CCNT2: variants seen among roughly 807,000 people sequenced by gnomAD.
The protein encoded by CCNT2 is cyclin-T2.
Under a neutral mutation model 70.0 loss-of-function variants are expected in CCNT2, and 18 were observed. That is an observed-to-expected ratio of 0.26 (90% CI 0.18 to 0.38). The LOEUF (loss-of-function observed/expected upper bound fraction) is 0.38, where lower values mean the gene tolerates loss of function less well. CCNT2 is among the 10% of genes least tolerant of loss of function. CCNT2 has a pLI of 1.00. For synonymous variants in CCNT2, 334 were observed against 313.3 expected, an observed-to-expected ratio of 1.07 and a Z score of -0.70; for missense variants, 734 against 890.2, an observed-to-expected ratio of 0.82 and a Z score of 2.23.
chr2:134,936,211 C>T lies in CCNT2; in HGVS notation c.241-630C>T, dbSNP rs185745347. On this transcript the variant is annotated intron_variant, in intron 2 of 8. Coordinates refer to ENST00000264157, the MANE Select transcript of CCNT2 (RefSeq NM_058241.3). Reference sequence around the variant, plus strand: ...TTGCTTATTTTCTTCTTTGCCTCCACAATGTGCAAATTAATATTATTTAAA... The same window carrying T: ...TTGCTTATTTTCTTCTTTGCCTCCATAATGTGCAAATTAATATTATTTAAA... 5.9e-4 allele frequency among the ~76,000 whole-genome samples: 89 copies of T among 150,588 alleles called. 1 individual carries two copies. In the East Asian group the frequency reaches 0.016, roughly 27 times the overall value.
At chr2:134,949,809 G>GGGA (rs1553525633) in intron 7 of CCNT2, among the ~76,000 whole-genome samples, 2 of 135,520 alleles carry the variant, frequency 1.5e-5, no homozygotes, top group South Asian at 5.2e-4. Flanking sequence ...TTTCGGGGGG[G>GGGA]GGGTGGGGGA....
chr2:134,919,771 C>T lies in CCNT2; in HGVS notation c.159-39C>T, dbSNP rs562799439. 4.7e-6 allele frequency: 7 copies of T among 1,489,624 alleles called. No homozygotes were observed. The African/African-American group carries it at 8.4e-5, about 18-fold the overall frequency. The allele number at this position is 1,489,624 out of a possible 1,614,324, so 92.3% of individuals were successfully genotyped here. A position where few individuals can be genotyped will look rare whatever the true frequency, so the allele number is the denominator to read the frequency against. On this transcript the variant is annotated intron_variant, in intron 1 of 8. Coordinates refer to ENST00000264157, the MANE Select transcript of CCNT2 (RefSeq NM_058241.3). ...ATCAAAATTGTTCTGGGAATGAGAT[C>T]TTGCTTTTGTCAGATATTTCCTAAA... is the stretch of plus-strand genomic sequence containing the variant.
chr2:134,946,367 T>C, intron 6 of CCNT2: 1 of 1,249,428 alleles, frequency 8.0e-7, no homozygotes, highest in Non-Finnish European at 1.0e-6. Flanking sequence ...TCTGATGACA[T>C]ATTCTCGATT....
At chr2:134,925,233 G>A (rs1270215175) in intron 2 of CCNT2, among the ~76,000 whole-genome samples, 2 of 152,094 alleles carry the variant, frequency 1.3e-5, no homozygotes, top group Non-Finnish European at 2.9e-5. Context: ...TGGTATTTTT[G>A]TATTGGAATT....
rs1417535867 is a variant in CCNT2 at position 134,918,910 on chromosome 2, A to C, written c.56A>C (p.Glu19Ala). Residue 19 changes from glutamate (E) to alanine (A), a missense_variant, in exon 1 of 9, where the codon GAG (glutamate) becomes GCG (alanine). Physicochemically the swap from Glu to Ala is moderately radical, Grantham distance 107. Around this residue, in one of 3 missense-constraint regions of CCNT2, gnomAD observed 41 missense variants for 29.5 expected, o/e 1.39. Coordinates refer to ENST00000264157, the MANE Select transcript of CCNT2 (RefSeq NM_058241.3). Reference sequence around the variant, plus strand: ...TGGTTCTTTACTCGGGAACAGCTGGAGAACACGCCGAGCCGCCGCTGCGGA... The same window carrying C: ...TGGTTCTTTACTCGGGAACAGCTGGCGAACACGCCGAGCCGCCGCTGCGGA... ...SRWFFTREQL[E>A]NTPSRRCGVE... The C allele has an allele frequency of 6.2e-7, 1 of 1,614,056 alleles. No homozygotes were observed. Among genetic ancestry groups the C allele is most frequent in the South Asian group, 1.1e-5 (1 of 91,080 alleles).
chr2:134,919,494 T>C (rs188730628), intron 1 of CCNT2, among the ~76,000 whole-genome samples: 5 of 152,048 alleles, frequency 3.3e-5, no homozygotes, highest in Non-Finnish European at 7.4e-5. Context: ...CTTGGCGTGG[T>C]TTTGTATGGG....
At chr2:134,919,225 G>A (rs1260556174) in intron 1 of CCNT2, among the ~76,000 whole-genome samples, 1 of 152,190 alleles carries the variant, frequency 6.6e-6, no homozygotes, top group African/African-American at 2.4e-5. Flanking sequence ...AGGAGCCTGC[G>A]TTGTGTAATC....
At chr2:134,947,986 C>A in intron 7 of CCNT2, 87 bp downstream of exon 7, 1 of 700,160 alleles carries the variant, frequency 1.4e-6, no homozygotes, top group Non-Finnish European at 2.2e-6. Context: ...AGTACACTAT[C>A]AGATGAACAG....
At chr2:134,922,154 A>G (rs556368772) in intron 2 of CCNT2, among the ~76,000 whole-genome samples, 83 of 152,252 alleles carry the variant, frequency 5.5e-4, no homozygotes, top group Non-Finnish European at 8.7e-4. Flanking sequence ...ATTTTTTTCT[A>G]TATACTGAAA....
rs1317774849 is a variant in CCNT2 at position 134,956,449 on chromosome 2, T to C, written c.*1801T>C. 1 of 152,454 alleles carries C rather than the reference T, an allele frequency of 6.6e-6. No individual in the cohort carries two copies. Among genetic ancestry groups the C allele is most frequent in the African/African-American group, 2.4e-5 (1 of 41,462 alleles). 9.4% of individuals were successfully genotyped at this position (152,454 alleles called of 1,614,324 possible). A position where few individuals can be genotyped will look rare whatever the true frequency, so the allele number is the denominator to read the frequency against. ...TAATCTTTGTCATTATATGTAACTTTGTTGCTCTGTATGGCATAATATTGT... is the reference window on the plus strand; with the variant it reads ...TAATCTTTGTCATTATATGTAACTTCGTTGCTCTGTATGGCATAATATTGT... On this transcript the variant is annotated 3_prime_UTR_variant, in exon 9 of 9. Coordinates refer to ENST00000264157, the MANE Select transcript of CCNT2 (RefSeq NM_058241.3).
At chr2:134,928,624 C>G (rs909571904) in intron 2 of CCNT2, among the ~76,000 whole-genome samples, 1 of 152,012 alleles carries the variant, frequency 6.6e-6, no homozygotes, top group Non-Finnish European at 1.5e-5. Flanking sequence ...TCATTTGTAT[C>G]CACCAGCAAA....
rs920403454 is a variant in CCNT2, at chr2:134,919,806, C to T, written c.159-4C>T. On this transcript the variant is annotated splice_region_variant and splice_polypyrimidine_tract_variant and intron_variant, in intron 1 of 8. Transcript: ENST00000264157. ...TCAGATATTTCCTAAATATTACGTTCCAGCTCTCAGCTTACAATAAACACT... is the reference window on the plus strand; with the variant it reads ...TCAGATATTTCCTAAATATTACGTTTCAGCTCTCAGCTTACAATAAACACT... 1 of 1,601,712 alleles carries T rather than the reference C, an allele frequency of 6.2e-7. No homozygotes were observed. The highest frequency in any genetic ancestry group is 1.7e-4 in the Middle Eastern group (1 of 6,032).
intron 2 of CCNT2, among the ~76,000 whole-genome samples, chr2:134,929,714 A>G (rs529508089): frequency 6.8e-6 from 1 of 147,786 alleles, no homozygotes; most frequent in Non-Finnish European, 1.5e-5. Context: ...CAGTGGTGCA[A>G]TCTCAGCTCG....
chr2:134,946,227 T>G, intron 6 of CCNT2, 81 bp downstream of exon 6: 3 of 1,487,612 alleles, frequency 2.0e-6, no homozygotes, highest in Non-Finnish European at 2.8e-6. Flanking sequence ...AATGTGTCTC[T>G]TACCCTTGTT....
At chr2:134,946,215 T>G (rs1681954928) in intron 6 of CCNT2, 69 bp downstream of exon 6, 1 of 1,519,934 alleles carries the variant, frequency 6.6e-7, no homozygotes, top group Non-Finnish European at 9.1e-7. Context: ...CAGGGCCCCC[T>G]CAATGTGTCT....
intron 5 of CCNT2, chr2:134,942,991 A>C (rs1249130338): frequency 1.3e-5 from 13 of 985,386 alleles, no homozygotes; most frequent in Non-Finnish European, 1.6e-5. Flanking sequence ...CCAATAGTGC[A>C]TAGGTTCAGA....
intron 2 of CCNT2, among the ~76,000 whole-genome samples, chr2:134,933,823 G>A (rs990478401): frequency 2.0e-5 from 3 of 152,120 alleles, no homozygotes; most frequent in Admixed American, 6.5e-5. Flanking sequence ...TTACTAGGGA[G>A]CACTATTCTA....
chr2:134,924,058 G>A (rs1680105563), intron 2 of CCNT2, among the ~76,000 whole-genome samples: 1 of 151,980 alleles, frequency 6.6e-6, no homozygotes, highest in Admixed American at 6.6e-5. Flanking sequence ...TTTTCCTTAG[G>A]GTGCTTTCTC....
Position 134,942,195 on chromosome 2 carries a change from A to G in CCNT2, c.431-417A>G, listed in dbSNP as rs1369301889. On this transcript the variant is annotated intron_variant, in intron 4 of 8. Transcript: ENST00000264157. ...CCGTATCATTTAAAAGCTCGTTTCT[A>G]CCACTGTGGCCCAACAGTTATGTTT... 2.0e-5 allele frequency among the ~76,000 whole-genome samples: 3 copies of G among 151,234 alleles called. 1 individual carries two copies. The highest frequency in any genetic ancestry group is 4.4e-5 in the Non-Finnish European group (3 of 67,874).
Sources: gnomAD v4.1 joint callset for allele counts (sites outside exome capture counted in the v4.1 genomes callset) on GRCh38, gnomAD v4.1.1 for gene constraint, gnomAD v4.1.1 regional missense constraint, MANE v1.5 for transcripts, NCBI Gene and HGNC (gene_info 2026-07-23, HGNC 2026-07-21) for gene names.